GJB6: variants seen among roughly 807,000 people sequenced by gnomAD.
GJB6 encodes gap junction protein beta 6.
Under a neutral mutation model 5.4 loss-of-function variants are expected in GJB6, and 5 were observed. That is an observed-to-expected ratio of 0.92 (90% CI 0.48 to 1.93). GJB6 has a LOEUF of 1.93. Among genes scored for constraint, GJB6 ranks in the 30% most tolerant of loss-of-function variants. The probability of loss-of-function intolerance (pLI) is 0.01; values close to 1 mark genes in which losing one functional copy is unlikely to be tolerated. For synonymous variants in GJB6, 136 were observed against 129.6 expected (o/e 1.05, Z -0.34); for missense variants, 298 against 326.9 (o/e 0.91, Z 0.68).
At chr13:20,225,109 C>A (rs1437916393) in intron 4 of GJB6, among the ~76,000 whole-genome samples, 2 of 152,214 alleles carry the variant, frequency 1.3e-5, no homozygotes, top group Non-Finnish European at 2.9e-5. Flanking sequence ...AAGTCCGACT[C>A]CTAGTTCCGT....
chr13:20,223,035 G>A lies in GJB6; in HGVS notation c.446C>T (p.Ala149Val), dbSNP rs576686538. The change falls in exon 5 of 5, where the codon GCC becomes GTC. Residue 149 changes from alanine (A) to valine (V), a missense_variant. Physicochemically the swap from Ala to Val is moderately conservative, Grantham distance 64 (BLOSUM62 0). Coordinates refer to ENST00000647029, the MANE Select transcript of GJB6 (RefSeq NM_001110219.3). ...AAGGAAGTAAAACACATACATAAAG[G>A]CTGCTTCAAAGATGATTCGGAAAAA... ...SIFFRIIFEA[A>V]FMYVFYFLYN... The A allele has an allele frequency of 3.1e-6, 5 of 1,614,088 alleles. No homozygotes were observed. The South Asian group carries it at 3.3e-5, about 11-fold the overall frequency.
chr13:20,231,231 A>C (rs1472921106), intron 2 of GJB6, 151 bp downstream of exon 2: 1 of 152,262 alleles, frequency 6.6e-6, no homozygotes, highest in Non-Finnish European at 1.5e-5. Context: ...CTTGAGGGAA[A>C]AGAACAACCC....
Position 20,222,881 on chromosome 13 carries a change from C to T in GJB6, c.600G>A (p.Val200=). 6.2e-7 allele frequency: 1 copy of T among 1,614,130 alleles called. No homozygotes were observed. Among genetic ancestry groups the T allele is most frequent in the African/African-American group, 1.3e-5 (1 of 75,018 alleles). ...VFTIFMISAS[V]ICMLLNVAEL... is the part of the protein sequence containing the mutation. ...CTGCCACGTTAAGCAGCATGCAAAT[C>T]ACAGACGCAGAAATCATAAAAATGG... The change falls in exon 5 of 5, where the codon GTG becomes GTA. Residue 200 remains valine, a synonymous_variant. Transcript: ENST00000647029.
chr13:20,227,705 A>G (rs945366), intron 4 of GJB6, among the ~76,000 whole-genome samples: 82,049 of 152,032 alleles, frequency 0.54, 22,438 homozygotes, highest in East Asian at 0.66. Flanking sequence ...GCCAGGGAGA[A>G]GAGAGCTCCC....
chr13:20,228,490 T>G (rs200204852), intron 4 of GJB6, among the ~76,000 whole-genome samples: 2 of 146,258 alleles, frequency 1.4e-5, no homozygotes, highest in Non-Finnish European at 3.0e-5. Context: ...GTTTTTGTTT[T>G]TTGTTTTTTT....
chr13:20,231,050 C>G (rs1870049197), intron 2 of GJB6: 2 of 152,570 alleles, frequency 1.3e-5, no homozygotes, highest in East Asian at 1.9e-4. Context: ...AGCAACACCC[C>G]CAAAGACGCT....
Position 20,222,798 on chromosome 13 carries a change from T to C in GJB6, c.683A>G (p.Gln228Arg). ...CFRRSKRAQT[Q>R]KNHPNHALKE... ...TAGGGCATGATTGGGGTGATTTTTTTGCGTCTGTGCTCTCTTTGATCTCCT... is the reference window on the plus strand; with the variant it reads ...TAGGGCATGATTGGGGTGATTTTTTCGCGTCTGTGCTCTCTTTGATCTCCT... The change falls in exon 5 of 5, where the codon CAA becomes CGA. Residue 228 changes from glutamine to arginine, a missense_variant. Gln to Arg is a conservative substitution (Grantham distance 43). Transcript: ENST00000647029. 6.2e-7 allele frequency: 1 copy of C among 1,614,126 alleles called. No individual in the cohort carries two copies. Among genetic ancestry groups the C allele is most frequent in the Middle Eastern group, 1.6e-4 (1 of 6,062 alleles).
Position 20,222,964 on chromosome 13 carries a change from G to A in GJB6, c.517C>T (p.Pro173Ser), listed in dbSNP as rs775528528. The change falls in exon 5 of 5, where the codon CCC (proline) becomes TCC (serine). Residue 173 changes from proline to serine, a missense_variant. Physicochemically the swap from Pro to Ser is moderately conservative, Grantham distance 74. Coordinates refer to ENST00000647029, the MANE Select transcript of GJB6 (RefSeq NM_001110219.3). ...LPWVLKCGID[P>S]CPNLVDCFIS... The stretch of plus-strand genomic sequence containing the variant: ...AAGCAGTCAACAAGGTTGGGGCAGG[G>A]GTCAATCCCACATTTCAACACCCAG... 1.2e-6 allele frequency: 2 copies of A among 1,613,958 alleles called. No individual in the cohort carries two copies. The highest frequency in any genetic ancestry group is 8.5e-7 in the Non-Finnish European group (1 of 1,180,022).
intron 4 of GJB6, among the ~76,000 whole-genome samples, chr13:20,229,104 C>G (rs1869855434): frequency 7.6e-6 from 1 of 130,792 alleles, no homozygotes; most frequent in African/African-American, 3.0e-5. Context: ...AGCTCTGTTC[C>G]CCTTTCAATG....
chr13:20,228,673 A>T (rs942385747), intron 4 of GJB6, among the ~76,000 whole-genome samples: 1 of 111,438 alleles, frequency 9.0e-6, no homozygotes, highest in African/African-American at 2.7e-5. Context: ...TTTAGTAGAG[A>T]CGGGGTTTCA....
At chr13:20,223,607 T>C in intron 4 of GJB6, 112 bp from the exon 5 acceptor site, 2 of 840,530 alleles carry the variant, frequency 2.4e-6, no homozygotes, top group African/African-American at 1.7e-5. Flanking sequence ...TGTGATACTT[T>C]ACAACTTCAA....
chr13:20,224,515 G>A lies in GJB6; in HGVS notation c.-15-1020C>T, dbSNP rs532316495. Reference sequence around the variant, plus strand: ...TGCCTCCCCAGCGGGTCCTGTTTGCGCCAGGGGCAGCCGAGGAGGGGATCT... The same window carrying A: ...TGCCTCCCCAGCGGGTCCTGTTTGCACCAGGGGCAGCCGAGGAGGGGATCT... On this transcript the variant is annotated intron_variant, in intron 4 of 4. Transcript: ENST00000647029. Among the ~76,000 whole-genome samples, 6 of 152,208 alleles carry A rather than the reference G, an allele frequency of 3.9e-5. No homozygotes were observed. The East Asian group carries it at 7.7e-4, about 20-fold the overall frequency.
At chr13:20,231,293 G>A (rs1414028092) in intron 2 of GJB6, 89 bp downstream of exon 2, 1 of 152,242 alleles carries the variant, frequency 6.6e-6, no homozygotes, top group Non-Finnish European at 1.5e-5. Flanking sequence ...CCACCCAGGG[G>A]ACACTGAGGT....
chr13:20,223,482 G>A lies in GJB6; in HGVS notation c.-2C>T. 1.9e-6 allele frequency: 3 copies of A among 1,613,854 alleles called. No individual in the cohort carries two copies. The highest frequency in any genetic ancestry group is 2.5e-6 in the Non-Finnish European group (3 of 1,179,786). ...AGTGTGCAGCGTCCCCCAATCCATT[G>A]CGCTGGTTTATCCCTAAACAGACAA... On this transcript the variant is annotated 5_prime_UTR_variant, in exon 5 of 5. Coordinates refer to ENST00000647029, the MANE Select transcript of GJB6 (RefSeq NM_001110219.3).
At chr13:20,226,393 A>AT (rs1160126962) in intron 4 of GJB6, among the ~76,000 whole-genome samples, 1 of 152,064 alleles carries the variant, frequency 6.6e-6, no homozygotes, top group Non-Finnish European at 1.5e-5. Context: ...TGCTGGGGTA[A>AT]TGCACAGGGG....
intron 4 of GJB6, 138 bp from the exon 5 acceptor site, chr13:20,223,633 G>A: frequency 1.3e-6 from 1 of 745,870 alleles, no homozygotes; most frequent in East Asian, 2.7e-5. Flanking sequence ...TGCCCTGCTA[G>A]TCTGAGGTTT....
intron 4 of GJB6, among the ~76,000 whole-genome samples, chr13:20,228,486 G>T (rs7336897): frequency 0.69 from 83,382 of 120,184 alleles, 25,298 homozygotes; most frequent in Admixed American, 0.76. Flanking sequence ...TTTTGTTTTT[G>T]TTTTTTGTTT....
At chr13:20,228,466 T>G (rs1409316125) in intron 4 of GJB6, among the ~76,000 whole-genome samples, 1 of 141,428 alleles carries the variant, frequency 7.1e-6, no homozygotes, top group Non-Finnish European at 1.6e-5. Flanking sequence ...CTTGTTTGTT[T>G]GTTTTTGTTT....
At position 20,229,315 on chromosome 13, in the gene GJB6, A is replaced by ATTT. The variant is rs60451416; in HGVS notation, c.-16+262_-16+264dup. On this transcript the variant is annotated intron_variant, in intron 4 of 4. Transcript: ENST00000647029. Reference sequence around the variant, plus strand: ...AGGCATATGCCACCATACCTGGTTAATTTTTTTTTTTTTTTTTTTTTTTTT... The same window carrying ATTT: ...AGGCATATGCCACCATACCTGGTTAATTTTTTTTTTTTTTTTTTTTTTTTTTTT... Among the ~76,000 whole-genome samples, 214 of 55,278 alleles carry ATTT rather than the reference A, an allele frequency of 3.9e-3. 9 individuals are homozygous for ATTT. The highest frequency in any genetic ancestry group is 7.8e-3 in the African/African-American group (123 of 15,858). The allele number at this position is 55,278 out of a possible 152,430, so 36.3% of individuals were successfully genotyped here. A position where few individuals can be genotyped will look rare whatever the true frequency, so the allele number is the denominator to read the frequency against.
Sources: allele counts gnomAD v4.1 joint callset (sites outside exome capture counted in the v4.1 genomes callset), GRCh38; gene constraint gnomAD v4.1.1; transcripts MANE v1.5; gene names NCBI Gene and HGNC (gene_info 2026-07-23, HGNC 2026-07-21).